The following DTNB variants were observed in gnomAD, a reference collection of about 807,000 sequenced individuals.
DTNB encodes DTN-B.
Under a neutral mutation model 90.7 loss-of-function variants are expected in DTNB, and 63 were observed. The ratio of observed to expected loss-of-function variants is 0.69; its 90% CI spans 0.57 to 0.86. The LOEUF (loss-of-function observed/expected upper bound fraction) is 0.86, where lower values mean the gene tolerates loss of function less well. Among genes scored for constraint, DTNB ranks in the 40% least tolerant of loss-of-function variants. DTNB has a pLI of 0.00. For synonymous variants in DTNB, 277 were observed against 286.7 expected (o/e 0.97, Z 0.34); for missense variants, 744 against 807.1 (o/e 0.92, Z 0.95).
Position 25,405,180 on chromosome 2 carries a change from G to A in DTNB, c.1575+14335C>T, listed in dbSNP as rs751067720. Among the ~76,000 whole-genome samples, 6 of 152,234 alleles carry A rather than the reference G, an allele frequency of 3.9e-5. 1 individual carries two copies. Among genetic ancestry groups the A allele is most frequent in the East Asian group, 1.9e-4 (1 of 5,162 alleles). On this transcript the variant is annotated intron_variant, in intron 16 of 20. Transcript: ENST00000406818. ...TGGGCTCAAGTGATCCATCTGCCTC[G>A]GCTTCTCAAAGTGCTGGGATTATAG...
chr2:25,590,667 G>A (rs1176860692), intron 6 of DTNB, among the ~76,000 whole-genome samples: 1 of 152,190 alleles, frequency 6.6e-6, no homozygotes, highest in Non-Finnish European at 1.5e-5. Context: ...TCATTTGTTC[G>A]AGTTTGGCTG....
At position 25,534,721 on chromosome 2, in the gene DTNB, G is replaced by A. The variant is rs533906100; in HGVS notation, c.877-3124C>T. On this transcript the variant is annotated intron_variant, in intron 8 of 20. Coordinates refer to ENST00000406818, the MANE Select transcript of DTNB (RefSeq NM_021907.5). ...GACAGGGTGGCGGGTGGGCAGAGGC[G>A]TTCCTCACATTCCAGACGATGGGCG... Among the ~76,000 whole-genome samples the A allele has an allele frequency of 1.3e-4, 18 of 143,796 alleles. No individual in the cohort carries two copies. In the South Asian group the frequency reaches 1.8e-3, roughly 15 times the overall value. 94.3% of individuals were successfully genotyped at this position (143,796 alleles called of 152,430 possible). A position where few individuals can be genotyped will look rare whatever the true frequency, so the allele number is the denominator to read the frequency against.
chr2:25,416,998 A>T (rs2048159372), intron 16 of DTNB, among the ~76,000 whole-genome samples: 1 of 152,168 alleles, frequency 6.6e-6, no homozygotes, highest in Non-Finnish European at 1.5e-5. Flanking sequence ...GAATTACGTA[A>T]AGTCATTCAG....
chr2:25,575,043 AC>A (rs1456096413), intron 8 of DTNB, among the ~76,000 whole-genome samples: 1 of 152,032 alleles, frequency 6.6e-6, no homozygotes, highest in African/African-American at 2.4e-5. Context: ...CAAATACAAA[AC>A]CCCCATTTTT....
chr2:25,425,658 C>G (rs1447896963), intron 15 of DTNB, among the ~76,000 whole-genome samples: 2 of 152,230 alleles, frequency 1.3e-5, no homozygotes, highest in Non-Finnish European at 2.9e-5. Context: ...CTCCTGTCAT[C>G]TGGCTTTGGG....
At chr2:25,671,731 A>C in intron 1 of DTNB, among the ~76,000 whole-genome samples, 1 of 152,210 alleles carries the variant, frequency 6.6e-6, no homozygotes, top group Non-Finnish European at 1.5e-5. Context: ...TTCAAAGGCA[A>C]TTCCACTTAT....
chr2:25,669,127 G>A (rs1248072675), intron 1 of DTNB, among the ~76,000 whole-genome samples: 1 of 152,124 alleles, frequency 6.6e-6, no homozygotes, highest in East Asian at 1.9e-4. Context: ...AGGGAAGAAT[G>A]GGGAGCTGGT....
chr2:25,516,413 AT>A (rs1173109877), intron 9 of DTNB, among the ~76,000 whole-genome samples: 1 of 151,676 alleles, frequency 6.6e-6, no homozygotes, highest in Non-Finnish European at 1.5e-5. Context: ...CACCCCGCTA[AT>A]TTTTTTGTAT....
chr2:25,576,919 CT>C lies in DTNB; in HGVS notation c.794del (p.Gln265ArgfsTer22). On this transcript the variant is annotated frameshift_variant, in exon 8 of 21. Coordinates refer to ENST00000406818, the MANE Select transcript of DTNB (RefSeq NM_021907.5). LOFTEE classifies it high-confidence loss of function. Reference protein sequence around the residue: ...RYRCQQCHNYQLCQNCFWRGH... With the variant: ...RYRCQQCHNYXLCQNCFWRGH... ...CACGCCAAAAGCAATTCTGGCAGAG[CT>C]GATAGTTGTGGCACTGCTGGCATCG... 1 of 1,613,164 alleles carries C rather than the reference CT, an allele frequency of 6.2e-7. No individual in the cohort carries two copies. The highest frequency in any genetic ancestry group is 8.5e-7 in the Non-Finnish European group (1 of 1,179,630).
At chr2:25,467,073 T>G (rs896733250) in intron 10 of DTNB, among the ~76,000 whole-genome samples, 3 of 152,180 alleles carry the variant, frequency 2.0e-5, no homozygotes, top group Admixed American at 6.5e-5. Context: ...ATAAGTGTAT[T>G]ATACTCTTTT....
At chr2:25,497,343 T>C (rs950645067) in intron 9 of DTNB, 1 of 152,264 alleles carries the variant, frequency 6.6e-6, no homozygotes, top group East Asian at 1.9e-4. Flanking sequence ...CATAGCCTAA[T>C]GAACCCGGTC....
chr2:25,588,779 C>CA (rs1304198195), intron 6 of DTNB, among the ~76,000 whole-genome samples: 5 of 152,130 alleles, frequency 3.3e-5, no homozygotes, highest in African/African-American at 9.7e-5. Context: ...AATGACAGCC[C>CA]ATCATAACCA....
chr2:25,650,364 G>A, intron 2 of DTNB: 5 of 477,802 alleles, frequency 1.0e-5, no homozygotes, highest in Non-Finnish European at 1.4e-5. Flanking sequence ...CTCAATAAAT[G>A]CACTAAAAGT....
intron 15 of DTNB, among the ~76,000 whole-genome samples, chr2:25,423,169 C>T (rs2050356482): frequency 6.6e-6 from 1 of 151,978 alleles, no homozygotes; most frequent in Non-Finnish European, 1.5e-5. Context: ...TGCACCCCAG[C>T]CTGGGCAACA....
At chr2:25,643,284 C>A (rs951359195) in intron 2 of DTNB, among the ~76,000 whole-genome samples, 3 of 152,164 alleles carry the variant, frequency 2.0e-5, no homozygotes, top group Non-Finnish European at 2.9e-5. Context: ...TCATCCTGGG[C>A]ATGGCTTCTC....
intron 6 of DTNB, among the ~76,000 whole-genome samples, chr2:25,585,619 A>G (rs1424419618): frequency 2.0e-5 from 3 of 152,262 alleles, no homozygotes; most frequent in African/African-American, 7.2e-5. Flanking sequence ...TAATTTAGCT[A>G]TAGATCATCA....
At chr2:25,430,169 T>A (rs939817875) in intron 14 of DTNB, among the ~76,000 whole-genome samples, 7 of 152,068 alleles carry the variant, frequency 4.6e-5, no homozygotes, top group African/African-American at 1.7e-4. Context: ...ATACATTATA[T>A]TATATATATT....
chr2:25,599,476 G>A (rs2065373499), intron 5 of DTNB, among the ~76,000 whole-genome samples: 1 of 151,756 alleles, frequency 6.6e-6, no homozygotes, highest in African/African-American at 2.4e-5. Flanking sequence ...TGAGTAGCTG[G>A]GACTACAGGC....
intron 8 of DTNB, among the ~76,000 whole-genome samples, chr2:25,572,795 C>G (rs1317376891): frequency 6.6e-6 from 1 of 152,030 alleles, no homozygotes; most frequent in Non-Finnish European, 1.5e-5. Flanking sequence ...CCAGTTGATT[C>G]CATGTGCCAG....
Sources: gnomAD v4.1 joint callset for allele counts (sites outside exome capture counted in the v4.1 genomes callset) on GRCh38, gnomAD v4.1.1 for gene constraint, MANE v1.5 for transcripts, NCBI Gene and HGNC (gene_info 2026-07-23, HGNC 2026-07-21) for gene names.